LYZL1: variants seen among roughly 807,000 people sequenced by gnomAD.
LYZL1 encodes lysozyme like 1.
LYZL1 carries 16 observed loss-of-function variants against 17.9 expected under a neutral mutation model. That is an observed-to-expected ratio of 0.90 (90% CI 0.61 to 1.36). The LOEUF is 1.36. Ranked by LOEUF, LYZL1 falls within the 40% of genes most tolerant of loss-of-function variation. LYZL1 has a pLI of 0.00. For missense variants in LYZL1, 149 were observed against 188.4 expected (o/e 0.79, Z 1.22); for synonymous variants, 58 against 71.8 (o/e 0.81, Z 0.97).
At chr10:29,290,451 C>T (rs1564387786) in intron 1 of LYZL1, among the ~76,000 whole-genome samples, 1 of 152,164 alleles carries the variant, frequency 6.6e-6, no homozygotes, top group Non-Finnish European at 1.5e-5. Context: ...CTCCATCCCT[C>T]TTGCTCCCCA....
At chr10:29,294,775 G>C (rs1165563379) in intron 3 of LYZL1, among the ~76,000 whole-genome samples, 1 of 152,136 alleles carries the variant, frequency 6.6e-6, no homozygotes, top group Non-Finnish European at 1.5e-5. Context: ...TACATCCCAA[G>C]ACCCCCAGCT....
chr10:29,312,986 C>T (rs57160073), downstream of LYZL1, among the ~76,000 whole-genome samples: 2 of 152,252 alleles, frequency 1.3e-5, no homozygotes, highest in South Asian at 2.1e-4. Flanking sequence ...ACTGTGACAG[C>T]GCCTAAATAA....
chr10:29,308,602 C>G (rs551262966), intron 3 of LYZL1, among the ~76,000 whole-genome samples: 1 of 152,274 alleles, frequency 6.6e-6, no homozygotes, highest in South Asian at 2.1e-4. Context: ...TTCAGGCAAG[C>G]AGGAAAGAAT....
chr10:29,307,732 G>C (rs1301531579), intron 3 of LYZL1, among the ~76,000 whole-genome samples: 5 of 152,186 alleles, frequency 3.3e-5, no homozygotes, highest in Non-Finnish European at 7.3e-5. Flanking sequence ...CACTGATTAT[G>C]AGGCAATTGG....
intron 3 of LYZL1, among the ~76,000 whole-genome samples, chr10:29,304,778 G>T (rs1205306085): frequency 6.6e-6 from 1 of 152,208 alleles, no homozygotes; most frequent in Non-Finnish European, 1.5e-5. Context: ...AGGGCTGGGA[G>T]GCAGGAGGGA....
rs73596010 is a variant in LYZL1 at position 29,290,992 on chromosome 10, C to T, written c.-25-851C>T. Among the ~76,000 whole-genome samples, 982 of 152,268 alleles carry T rather than the reference C, an allele frequency of 6.4e-3. 9 individuals are homozygous for T. Among genetic ancestry groups the T allele is most frequent in the African/African-American group, 0.022 (906 of 41,542 alleles). On this transcript the variant is annotated intron_variant, in intron 1 of 4. Transcript: ENST00000649382. ...TAACCCTTAAAGTTTTCCATACAGG[C>T]CCACGTGTCTTTCATCTGTGGCTGA...
At chr10:29,310,654 C>A (rs917616874) in intron 4 of LYZL1, among the ~76,000 whole-genome samples, 1 of 152,194 alleles carries the variant, frequency 6.6e-6, no homozygotes, top group East Asian at 1.9e-4. Flanking sequence ...CAGCATTGAG[C>A]CTGGGGCCTT....
intron 3 of LYZL1, among the ~76,000 whole-genome samples, chr10:29,300,512 C>T (rs915806866): frequency 6.6e-6 from 1 of 151,966 alleles, no homozygotes; most frequent in Non-Finnish European, 1.5e-5. Context: ...TTGCTTTAAA[C>T]AATTGTCTTT....
At chr10:29,315,863 A>G (rs1835724461), downstream of LYZL1, among the ~76,000 whole-genome samples, 1 of 151,712 alleles carries the variant, frequency 6.6e-6, no homozygotes, top group Non-Finnish European at 1.5e-5. Context: ...AAAAAAAAAA[A>G]GTTTAAAGCA....
intron 3 of LYZL1, among the ~76,000 whole-genome samples, chr10:29,317,086 T>A (rs1478106445): frequency 6.6e-6 from 1 of 152,216 alleles, no homozygotes; most frequent in Non-Finnish European, 1.5e-5. Context: ...TAGCTATTTT[T>A]AAATTAATAC....
chr10:29,292,418 G>A (rs1259229946), intron 2 of LYZL1, 101 bp from the exon 3 acceptor site: 2 of 1,524,756 alleles, frequency 1.3e-6, no homozygotes, highest in Non-Finnish European at 1.8e-6. Flanking sequence ...GTATTGGGAG[G>A]AAGCAGTCAG....
At chr10:29,294,314 C>T (rs1183242934) in intron 3 of LYZL1, among the ~76,000 whole-genome samples, 1 of 152,164 alleles carries the variant, frequency 6.6e-6, no homozygotes, top group African/African-American at 2.4e-5. Context: ...GTTAATTAAG[C>T]ATTGCTTCAG....
At chr10:29,294,266 A>G (rs915431919) in intron 3 of LYZL1, among the ~76,000 whole-genome samples, 12 of 152,166 alleles carry the variant, frequency 7.9e-5, no homozygotes, top group Non-Finnish European at 1.2e-4. Context: ...AGAGGCTTTC[A>G]CTGATTTCTG....
At chr10:29,311,239 A>T, downstream of LYZL1, 1 of 1,486,010 alleles carries the variant, frequency 6.7e-7, no homozygotes, top group African/African-American at 1.4e-5. Context: ...ACCCCGTCTC[A>T]GTTCCAATGA....
intron 1 of LYZL1, among the ~76,000 whole-genome samples, chr10:29,291,209 T>C (rs2132812350): frequency 6.6e-6 from 1 of 152,360 alleles, no homozygotes; most frequent in Admixed American, 6.5e-5. Context: ...TTTTTTATGT[T>C]CTATGTCTTC....
intron 3 of LYZL1, among the ~76,000 whole-genome samples, chr10:29,294,820 A>G (rs1011702022): frequency 1.5e-4 from 23 of 152,202 alleles, no homozygotes; most frequent in Admixed American, 1.3e-4. Context: ...CTAACCCTGT[A>G]TATACTATGA....
intron 3 of LYZL1, among the ~76,000 whole-genome samples, chr10:29,301,889 T>TA (rs533026331): frequency 1.3e-3 from 194 of 149,046 alleles, no homozygotes; most frequent in Non-Finnish European, 2.5e-3. Flanking sequence ...TTTCCATTGT[T>TA]ATGTCTTCAA....
intron 3 of LYZL1, among the ~76,000 whole-genome samples, chr10:29,295,255 A>G (rs1835432418): frequency 6.6e-6 from 1 of 152,176 alleles, no homozygotes. Context: ...AACCTTCTAT[A>G]TCAATCCTAG....
intron 3 of LYZL1, among the ~76,000 whole-genome samples, chr10:29,298,594 G>T (rs7072256): frequency 3.3e-5 from 5 of 151,944 alleles, no homozygotes; most frequent in Non-Finnish European, 5.9e-5. Flanking sequence ...TCACAAAACC[G>T]TAGGAAAACA....
Sources: gnomAD v4.1 joint callset for allele counts (sites outside exome capture counted in the v4.1 genomes callset) on GRCh38, gnomAD v4.1.1 for gene constraint, MANE v1.5 for transcripts, NCBI Gene and HGNC (gene_info 2026-07-23, HGNC 2026-07-21) for gene names.